COL5A3: variants seen among roughly 807,000 people sequenced by gnomAD.
COL5A3 encodes the protein collagen type V alpha 3 chain, also known as collagen alpha-3(V) chain.
In COL5A3, 172 loss-of-function variants were observed where a neutral mutation model predicts 250.0. That is an observed-to-expected ratio of 0.69 (90% CI 0.61 to 0.78). COL5A3 has a LOEUF of 0.78. COL5A3 is among the 30% of genes least tolerant of loss of function. The pLI is 0.00. For synonymous variants in COL5A3, 937 were observed against 900.4 expected, an observed-to-expected ratio of 1.04 and a Z score of -0.73; for missense variants, 2,340 against 2,334.4, an observed-to-expected ratio of 1.00 and a Z score of -0.05.
At chr19:9,997,811 C>T (rs1311661773) in intron 10 of COL5A3, among the ~76,000 whole-genome samples, 173 bp downstream of exon 10, 1 of 152,018 alleles carries the variant, frequency 6.6e-6, no homozygotes, top group Non-Finnish European at 1.5e-5. Flanking sequence ...TGCTATGTTG[C>T]CCAGTCTCTA....
In COL5A3 at chr19:9,968,209, G is replaced by T; in HGVS notation, c.4315-130C>A. 9.5e-7 allele frequency: 1 copy of T among 1,055,296 alleles called. No homozygotes were observed. The highest frequency in any genetic ancestry group is 1.4e-6 in the Non-Finnish European group (1 of 719,136). 65.4% of individuals were successfully genotyped at this position (1,055,296 alleles called of 1,614,324 possible). ...GACAAGCCTCCAGTTCCCCCACAGA[G>T]AGACCCCAAACCCCAGACGCAGCCT... On this transcript the variant is annotated intron_variant, in intron 59 of 66. Coordinates refer to ENST00000264828, the MANE Select transcript of COL5A3 (RefSeq NM_015719.4). The surrounding 1 kb of genome is among the most constrained non-coding windows in gnomAD (Gnocchi z 4.1).
At chr19:9,971,412 C>T (rs1048972826) in intron 51 of COL5A3, among the ~76,000 whole-genome samples, 154 bp from the exon 52 acceptor site, 1 of 152,168 alleles carries the variant, frequency 6.6e-6, no homozygotes, top group African/African-American at 2.4e-5. Flanking sequence ...CGAACATTCT[C>T]GTGTTTCATG....
Position 9,986,537 on chromosome 19 carries a change from C to G in COL5A3, c.2244+16G>C. 1 of 1,613,632 alleles carries G rather than the reference C, an allele frequency of 6.2e-7. No individual in the cohort carries two copies. Among genetic ancestry groups the G allele is most frequent in the Non-Finnish European group, 8.5e-7 (1 of 1,179,792 alleles). ...CCCCCAGACCCACACCACCCCTCAT[C>G]TGGAGCTGGTCTTACCTGATCACCT... is the stretch of plus-strand genomic sequence containing the variant. On this transcript the variant is annotated intron_variant, in intron 29 of 66. Transcript: ENST00000264828.
intron 32 of COL5A3, 140 bp from the exon 33 acceptor site, chr19:9,981,272 C>T: frequency 1.4e-6 from 1 of 709,720 alleles, no homozygotes. Flanking sequence ...CATACACATA[C>T]ACACAAATAC....
chr19:9,979,724 T>C, intron 37 of COL5A3, 115 bp downstream of exon 37: 1 of 1,005,530 alleles, frequency 9.9e-7, no homozygotes, highest in Non-Finnish European at 1.5e-6. Context: ...AGGCAAAGGT[T>C]GCAGTGAGCC....
chr19:9,979,955 TCCAC>T, intron 36 of COL5A3, 35 bp downstream of exon 36: 1 of 1,576,236 alleles, frequency 6.3e-7, no homozygotes, highest in South Asian at 1.2e-5. Context: ...TCCCACATCC[TCCAC>T]CCACCCAACC....
chr19:9,993,190 G>T, intron 19 of COL5A3, 123 bp from the exon 20 acceptor site: 1 of 1,196,202 alleles, frequency 8.4e-7, no homozygotes, highest in Non-Finnish European at 1.2e-6. Flanking sequence ...GGAACCTGCA[G>T]ACTAAGTTCA....
chr19:9,972,871 T>C (rs1293911345), intron 51 of COL5A3, 48 bp downstream of exon 51: 27 of 1,406,870 alleles, frequency 1.9e-5, no homozygotes, highest in Non-Finnish European at 2.5e-5. Flanking sequence ...TTCAAGTACA[T>C]TCAAGTGCCC....
At position 9,978,784 on chromosome 19, in the gene COL5A3, G is replaced by A; in HGVS notation, c.2964+107C>T. The A allele has an allele frequency of 5.2e-6, 5 of 962,474 alleles. No homozygotes were observed. In the South Asian group the frequency reaches 1.2e-4, roughly 22 times the overall value. 59.6% of individuals were successfully genotyped at this position (962,474 alleles called of 1,614,324 possible). ...CCCAGTTCCCTCCACCATTTTTTTT[G>A]CTTTCATCATTTCCCGCACCCCAAA... On this transcript the variant is annotated intron_variant, in intron 40 of 66. Coordinates refer to ENST00000264828, the MANE Select transcript of COL5A3 (RefSeq NM_015719.4).
Position 9,960,083 on chromosome 19 carries a change from G to C in COL5A3, c.*328C>G, listed in dbSNP as rs1568398879. On this transcript the variant is annotated 3_prime_UTR_variant, in exon 67 of 67. Coordinates refer to ENST00000264828, the MANE Select transcript of COL5A3 (RefSeq NM_015719.4). Reference sequence around the variant, plus strand: ...GGAGGCAGGCATTGGGGGTGGGGGGGCTTTTGTTCATCAGCTCTGAGTTAG... The same window carrying C: ...GGAGGCAGGCATTGGGGGTGGGGGGCCTTTTGTTCATCAGCTCTGAGTTAG... The C allele has an allele frequency of 3.3e-6, 1 of 302,548 alleles. No homozygotes were observed. Among genetic ancestry groups the C allele is most frequent in the Non-Finnish European group, 6.1e-6 (1 of 163,510 alleles). The allele number at this position is 302,548 out of a possible 1,614,324, so 18.7% of individuals were successfully genotyped here.
rs1307122521 is a variant in COL5A3, at chr19:9,970,963, T to C, written c.3882+12A>G. 1 of 1,566,590 alleles carries C rather than the reference T, an allele frequency of 6.4e-7. No homozygotes were observed. On this transcript the variant is annotated intron_variant, in intron 53 of 66. Coordinates refer to ENST00000264828, the MANE Select transcript of COL5A3 (RefSeq NM_015719.4). ...CCCGCCTCAGCACCACACCCTCTGT[T>C]TTCCCACTCACCGGTCCCCCAACAT...
intron 64 of COL5A3, among the ~76,000 whole-genome samples, chr19:9,963,887 G>A (rs2086704276): frequency 6.6e-6 from 1 of 152,052 alleles, no homozygotes; most frequent in Admixed American, 6.6e-5. Context: ...AACAACATGG[G>A]GCCAGGCGCG....
At chr19:9,989,275 C>T in intron 26 of COL5A3, 47 bp downstream of exon 26, 1 of 1,613,036 alleles carries the variant, frequency 6.2e-7, no homozygotes, top group Non-Finnish European at 8.5e-7. Flanking sequence ...GCAGGCCCTG[C>T]CTCCCGACCC....
intron 5 of COL5A3, 38 bp from the exon 6 acceptor site, chr19:10,003,752 C>T: frequency 6.2e-7 from 1 of 1,609,674 alleles, no homozygotes; most frequent in Non-Finnish European, 8.5e-7. Flanking sequence ...GAGCATCCCA[C>T]CAGCAGAGAC....
chr19:9,988,852 A>AGAGAGAGAGAGAG (rs1555738978), intron 27 of COL5A3, among the ~76,000 whole-genome samples: 2 of 101,800 alleles, frequency 2.0e-5, no homozygotes, highest in African/African-American at 5.7e-5. Context: ...AAAAAAAAAA[A>AGAGAGAGAGAGAG]AAAAAAGAAA....
intron 4 of COL5A3, among the ~76,000 whole-genome samples, chr19:10,004,396 C>T (rs564967308): frequency 6.6e-6 from 1 of 152,228 alleles, no homozygotes; most frequent in Non-Finnish European, 1.5e-5. Flanking sequence ...ACATCCCACA[C>T]ATCTGCCCCA....
intron 6 of COL5A3, 28 bp downstream of exon 6, chr19:10,003,537 C>A (rs771398859): frequency 3.1e-6 from 5 of 1,611,354 alleles, no homozygotes; most frequent in East Asian, 2.2e-5. Flanking sequence ...TGGTCAAAAC[C>A]GGAAGTGAGA....
At chr19:9,995,525 A>T (rs376465520) in intron 16 of COL5A3, 39 bp downstream of exon 16, 4 of 1,569,190 alleles carry the variant, frequency 2.5e-6, no homozygotes, top group Admixed American at 1.9e-5. Flanking sequence ...GTGTTGAGGG[A>T]TGGATAAGGG....
chr19:10,008,832 C>T (rs145429984), intron 1 of COL5A3, among the ~76,000 whole-genome samples: 1 of 152,040 alleles, frequency 6.6e-6, no homozygotes, highest in Non-Finnish European at 1.5e-5. Context: ...GGGGGAGTGC[C>T]GTTCTGTGTG....
Sources: allele counts gnomAD v4.1 joint callset (sites outside exome capture counted in the v4.1 genomes callset), GRCh38; gene constraint gnomAD v4.1.1; non-coding constraint Gnocchi (gnomAD v3.1); transcripts MANE v1.5; gene names NCBI Gene and HGNC (gene_info 2026-07-23, HGNC 2026-07-21).